The following PPARGC1A variants were observed in gnomAD, a reference collection of about 807,000 sequenced individuals.
PPARGC1A encodes peroxisome proliferator-activated receptor gamma coactivator 1-alpha.
In PPARGC1A, 25 loss-of-function variants were observed where a neutral mutation model predicts 88.7. That is an observed-to-expected ratio of 0.28 (90% CI 0.21 to 0.39). The LOEUF is 0.39. Ranked by LOEUF, PPARGC1A falls within the 10% of genes least tolerant of loss-of-function variation. The pLI is 1.00. For missense variants in PPARGC1A, 880 were observed against 968.7 expected (o/e 0.91, Z 1.22); for synonymous variants, 363 against 355.6 (o/e 1.02, Z -0.24).
At chr4:24,177,619 TTAAA>T in the PPARGC1A span, among the ~76,000 whole-genome samples, 6,008 of 124,754 alleles carry the variant, frequency 0.048, 158 homozygotes, top group South Asian at 0.13. Context: ...TCAAGTATAA[TTAAA>T]TAAATAAATA....
the PPARGC1A span, among the ~76,000 whole-genome samples, chr4:24,254,850 A>G: frequency 2.2e-4 from 33 of 152,328 alleles, no homozygotes; most frequent in East Asian, 1.2e-3. Flanking sequence ...GATTTTTACA[A>G]TTTGGAAGAG....
At chr4:24,354,365 C>T in the PPARGC1A span, among the ~76,000 whole-genome samples, 1 of 152,082 alleles carries the variant, frequency 6.6e-6, no homozygotes, top group Non-Finnish European at 1.5e-5. Context: ...AGAACCTAGA[C>T]AAATTTAGGA....
the PPARGC1A span, among the ~76,000 whole-genome samples, chr4:24,212,884 G>A: frequency 1.3e-5 from 2 of 152,132 alleles, no homozygotes; most frequent in Non-Finnish European, 2.9e-5. Context: ...AATAATTAGG[G>A]ACATACCTAA....
At chr4:24,110,274 C>G in the PPARGC1A span, among the ~76,000 whole-genome samples, 4 of 152,154 alleles carry the variant, frequency 2.6e-5, no homozygotes, top group African/African-American at 9.7e-5. Context: ...TAAAACACCA[C>G]CAGATTTTAA....
Position 23,814,464 on chromosome 4 carries a change from T to C in PPARGC1A, c.1019A>G (p.Gln340Arg). Residue 340 changes from glutamine to arginine, a missense_variant, in exon 8 of 13, where the codon CAA becomes CGA. Physicochemically the swap from Gln to Arg is conservative, Grantham distance 43. Coordinates refer to ENST00000264867, the MANE Select transcript of PPARGC1A (RefSeq NM_013261.5). ...CCCTTTCTTGGTGGAGTTATTGCCT[T>C]GTGTACCAGAAGACTCACTGTACCT... is the stretch of plus-strand genomic sequence containing the variant. ...KPRYSESSGT[Q>R]GNNSTKKGPE... 6.2e-7 allele frequency: 1 copy of C among 1,613,722 alleles called. No individual in the cohort carries two copies.
intron 2 of PPARGC1A, among the ~76,000 whole-genome samples, chr4:23,841,191 G>C (rs1726990248): frequency 6.6e-6 from 1 of 152,090 alleles, no homozygotes; most frequent in South Asian, 2.1e-4. Context: ...TTCGTGAAGA[G>C]ATAATCATGC....
At chr4:24,238,653 T>C in the PPARGC1A span, among the ~76,000 whole-genome samples, 2 of 152,030 alleles carry the variant, frequency 1.3e-5, no homozygotes, top group Admixed American at 6.6e-5. Flanking sequence ...ACAAAAAGGC[T>C]TCTCAAGAAC....
rs1170847170 is a variant in PPARGC1A, at chr4:23,844,784, A to AT, written c.235-13034dup. 2.5e-3 allele frequency among the ~76,000 whole-genome samples: 276 copies of AT among 111,356 alleles called. 8 individuals carry two copies. Among genetic ancestry groups the AT allele is most frequent in the Non-Finnish European group, 3.4e-3 (196 of 58,102 alleles). The allele number at this position is 111,356 out of a possible 152,430, so 73.1% of individuals were successfully genotyped here. ...ATTATAATAATATATGATATATATTATAATAATATATGATATATATTATTA... is the reference window on the plus strand; with the variant it reads ...ATTATAATAATATATGATATATATTATTAATAATATATGATATATATTATTA... On this transcript the variant is annotated intron_variant, in intron 2 of 12. Transcript: ENST00000264867.
At chr4:23,844,530 AATC>A (rs1475255173) in intron 2 of PPARGC1A, among the ~76,000 whole-genome samples, 82 of 114,170 alleles carry the variant, frequency 7.2e-4, no homozygotes, top group African/African-American at 2.8e-3. Flanking sequence ...CACATAATAT[AATC>A]ATATAATATA....
chr4:23,908,153 C>T (rs1720292536), upstream of PPARGC1A, among the ~76,000 whole-genome samples: 1 of 152,216 alleles, frequency 6.6e-6, no homozygotes, highest in African/African-American at 2.4e-5. Flanking sequence ...CCAAGTGTAA[C>T]TCTTTAAGAG....
At chr4:24,111,341 T>A in the PPARGC1A span, among the ~76,000 whole-genome samples, 4 of 152,208 alleles carry the variant, frequency 2.6e-5, no homozygotes, top group Non-Finnish European at 5.9e-5. Context: ...TTGGGGTTTC[T>A]AATCTTCGGT....
At chr4:24,128,928 C>T in the PPARGC1A span, among the ~76,000 whole-genome samples, 1 of 152,170 alleles carries the variant, frequency 6.6e-6, no homozygotes, top group African/African-American at 2.4e-5. Flanking sequence ...TAGAAAGTAA[C>T]AAAACACCCT....
chr4:24,235,561 T>G, the PPARGC1A span, among the ~76,000 whole-genome samples: 23 of 152,194 alleles, frequency 1.5e-4, no homozygotes. Flanking sequence ...TTTTATGCAA[T>G]GTCTTTGTAA....
intron 10 of PPARGC1A, among the ~76,000 whole-genome samples, chr4:23,805,468 G>C (rs1577342268): frequency 6.6e-6 from 1 of 152,140 alleles, no homozygotes; most frequent in African/African-American, 2.4e-5. Context: ...ACCAGTGCAG[G>C]CTGCCTGACG....
the PPARGC1A span, among the ~76,000 whole-genome samples, chr4:24,225,438 A>G: frequency 1.1e-4 from 16 of 151,938 alleles, no homozygotes; most frequent in South Asian, 8.3e-4. Flanking sequence ...GCGTGGTGGC[A>G]GGCGCCTGTA....
At chr4:24,251,382 C>A in the PPARGC1A span, among the ~76,000 whole-genome samples, 1 of 152,156 alleles carries the variant, frequency 6.6e-6, no homozygotes, top group Admixed American at 6.5e-5. Context: ...TCTACACGAA[C>A]AACACTTTGG....
the PPARGC1A span, among the ~76,000 whole-genome samples, chr4:24,443,323 G>A: frequency 6.6e-6 from 1 of 150,728 alleles, no homozygotes; most frequent in Non-Finnish European, 1.5e-5. Flanking sequence ...GGAAGGTCCA[G>A]TCCAGTGACC....
At chr4:23,796,563 T>C (rs1213643063) in intron 12 of PPARGC1A, among the ~76,000 whole-genome samples, 1 of 152,196 alleles carries the variant, frequency 6.6e-6, no homozygotes, top group African/African-American at 2.4e-5. Flanking sequence ...ATGCCCTTCT[T>C]GGACTCTTAA....
At position 23,831,749 on chromosome 4, in the gene PPARGC1A, C is replaced by A; in HGVS notation, c.237G>T (p.Lys79Asn). 1 of 1,608,368 alleles carries A rather than the reference C, an allele frequency of 6.2e-7. No homozygotes were observed. The highest frequency in any genetic ancestry group is 8.5e-7 in the Non-Finnish European group (1 of 1,175,200). ...AGTTTGCCTCATTCTCTTCATCTAT[C>A]TTCTGCAGAAAGAGAAAAAAACAGA... ...YNNEPSNIFE[K>N]IDEENEANLL... The change falls in exon 3 of 13, where the codon AAG (lysine) becomes AAT (asparagine). Residue 79 changes from lysine to asparagine, a missense_variant and splice_region_variant. Coordinates refer to ENST00000264867, the MANE Select transcript of PPARGC1A (RefSeq NM_013261.5).
Sources: allele counts gnomAD v4.1 joint callset (sites outside exome capture counted in the v4.1 genomes callset), GRCh38; gene constraint gnomAD v4.1.1; transcripts MANE v1.5; gene names NCBI Gene and HGNC (gene_info 2026-07-23, HGNC 2026-07-21).